The following ZXDC variants were observed in gnomAD, a reference collection of about 807,000 sequenced individuals.
The protein encoded by ZXDC is ZXD family zinc finger C.
In ZXDC, 58 loss-of-function variants were observed where a neutral mutation model predicts 63.6. That is an observed-to-expected ratio of 0.91 (90% CI 0.74 to 1.13). The LOEUF is 1.13. Among genes scored for constraint, ZXDC ranks in the 50% most tolerant of loss-of-function variants. The pLI is 0.00. For synonymous variants in ZXDC, 561 were observed against 496.1 expected, an observed-to-expected ratio of 1.13 and a Z score of -1.74; for missense variants, 1,133 against 1,148.9, an observed-to-expected ratio of 0.99 and a Z score of 0.20.
chr3:126,461,216 C>A, intron 6 of ZXDC: 4 of 1,084,602 alleles, frequency 3.7e-6, no homozygotes, highest in Non-Finnish European at 4.5e-6. Context: ...AGCATAGAGG[C>A]AAAGTATCTC....
chr3:126,448,820 C>G (rs1373275835), intron 7 of ZXDC, among the ~76,000 whole-genome samples: 1 of 152,244 alleles, frequency 6.6e-6, no homozygotes, highest in Non-Finnish European at 1.5e-5. Flanking sequence ...CCTCGCTCCA[C>G]ACACCCTCTA....
At chr3:126,459,924 C>G in intron 6 of ZXDC, 187 bp from the exon 7 acceptor site, 1 of 985,468 alleles carries the variant, frequency 1.0e-6, no homozygotes, top group Non-Finnish European at 1.2e-6. Flanking sequence ...AAACTTGGAG[C>G]TGGAACAATG....
At chr3:126,457,547 T>C (rs1934355854) in intron 7 of ZXDC, 2 of 985,402 alleles carry the variant, frequency 2.0e-6, no homozygotes, top group East Asian at 1.1e-4. Context: ...CAGGTTTCCA[T>C]TTCCCTTAGA....
intron 7 of ZXDC, among the ~76,000 whole-genome samples, chr3:126,457,967 C>T (rs1934373253): frequency 6.6e-6 from 1 of 152,152 alleles, no homozygotes; most frequent in Non-Finnish European, 1.5e-5. Context: ...CTGGCACACT[C>T]GAAAGAACAA....
In ZXDC at chr3:126,441,830, G is replaced by A; in HGVS notation, c.2329C>T (p.Pro777Ser). The stretch of plus-strand genomic sequence containing the variant: ...ACCCCAGCTGCTGGAGCTGGTCCTG[G>A]CCGTCCTCCGCTGGGCACCACGAGG... Reference protein sequence around the residue: ...GSLVVPSGGRPGPAPAAGVQC... With the variant: ...GSLVVPSGGRSGPAPAAGVQC... The change falls in exon 8 of 10, where the codon CCA becomes TCA. Residue 777 changes from proline to serine, a missense_variant. Physicochemically the swap from Pro to Ser is moderately conservative, Grantham distance 74. Transcript: ENST00000389709. The A allele has an allele frequency of 6.2e-7, 1 of 1,613,694 alleles. No individual in the cohort carries two copies. Among genetic ancestry groups the A allele is most frequent in the Non-Finnish European group, 8.5e-7 (1 of 1,179,886 alleles).
chr3:126,445,024 T>C (rs1026902606), intron 7 of ZXDC, among the ~76,000 whole-genome samples: 3 of 152,252 alleles, frequency 2.0e-5, no homozygotes, highest in African/African-American at 7.2e-5. Context: ...TTTCAACTTC[T>C]GTATCAGCAT....
At chr3:126,466,442 G>A in intron 4 of ZXDC, 117 bp from the exon 5 acceptor site, 8 of 1,110,970 alleles carry the variant, frequency 7.2e-6, no homozygotes, top group Non-Finnish European at 1.1e-5. Context: ...CTGGCTACTG[G>A]CAAGGACAGA....
intron 7 of ZXDC, among the ~76,000 whole-genome samples, chr3:126,456,925 G>C (rs534926902): frequency 4.6e-5 from 7 of 152,336 alleles, no homozygotes; most frequent in Admixed American, 1.3e-4. Context: ...GGCCCAGGGA[G>C]GATGTGTGGG....
chr3:126,472,109 G>C, intron 2 of ZXDC, 44 bp downstream of exon 2: 1 of 1,608,888 alleles, frequency 6.2e-7, no homozygotes, highest in East Asian at 2.2e-5. Context: ...CTACGATGAA[G>C]ACAAATCTTG....
rs1415005398 is a variant in ZXDC, at chr3:126,441,776, G to A, written c.2383C>T (p.Gln795Ter). 6.3e-7 allele frequency: 1 copy of A among 1,598,542 alleles called. No individual in the cohort carries two copies. The highest frequency in any genetic ancestry group is 8.5e-7 in the Non-Finnish European group (1 of 1,174,500). Residue 795 changes from glutamine to a stop codon, truncating the protein, a stop_gained, in exon 8 of 10, where the codon CAG (glutamine) becomes TAG (stop). Coordinates refer to ENST00000389709, the MANE Select transcript of ZXDC (RefSeq NM_025112.5). LOFTEE classifies it high-confidence loss of function. ...TGGCCAGCTCTCACCTGCACCAGCTGGACCTGGACGCCCTGCGCCCCGCAC... is the reference window on the plus strand; with the variant it reads ...TGGCCAGCTCTCACCTGCACCAGCTAGACCTGGACGCCCTGCGCCCCGCAC... Reference protein sequence around the residue: ...VQCGAQGVQVQLVQDDPSGEG... With the variant: ...VQCGAQGVQV
At chr3:126,451,733 A>T (rs1934109382) in intron 7 of ZXDC, 1 of 985,116 alleles carries the variant, frequency 1.0e-6, no homozygotes, top group Admixed American at 6.2e-5. Flanking sequence ...CTTCTGCACC[A>T]TGATCTCACG....
intron 7 of ZXDC, chr3:126,452,870 T>G: frequency 3.2e-6 from 1 of 309,098 alleles, no homozygotes; most frequent in African/African-American, 2.3e-5. Flanking sequence ...TCCCCAGTAA[T>G]TGGGACCACA....
At chr3:126,455,893 G>A (rs529178207) in intron 7 of ZXDC, among the ~76,000 whole-genome samples, 6 of 152,034 alleles carry the variant, frequency 3.9e-5, no homozygotes, top group Admixed American at 2.6e-4. Flanking sequence ...CCAGCTACTC[G>A]GGAGGCTGAG....
Position 126,464,251 on chromosome 3 carries a change from C to G in ZXDC, c.1441+1904G>C, listed in dbSNP as rs1429165605. Among the ~76,000 whole-genome samples, 3 of 152,200 alleles carry G rather than the reference C, an allele frequency of 2.0e-5. No individual in the cohort carries two copies. The South Asian group carries it at 6.2e-4, about 31-fold the overall frequency. ...CAATCACTAAATAAACATTAGATAG[C>G]AGAGCATCTGGCAAAACAGTCATGA... On this transcript the variant is annotated intron_variant, in intron 5 of 9. Coordinates refer to ENST00000389709, the MANE Select transcript of ZXDC (RefSeq NM_025112.5).
intron 6 of ZXDC, chr3:126,460,512 G>T: frequency 1.0e-6 from 1 of 961,540 alleles, no homozygotes; most frequent in Non-Finnish European, 1.2e-6. Context: ...AGCTGCAGCT[G>T]CACCAGGGAG....
chr3:126,475,000 C>T lies in ZXDC; in HGVS notation c.866G>A (p.Ser289Asn). The T allele has an allele frequency of 6.3e-7, 1 of 1,595,364 alleles. No individual in the cohort carries two copies. The highest frequency in any genetic ancestry group is 8.5e-7 in the Non-Finnish European group (1 of 1,171,692). ...GTAAGGGCGCTCGGGCTCGAAGTGG[C>T]TGCGCTGGTGGGAGCTGAGCTTGGC... ...THAKLSSHQR[S>N]HFEPERPYKC... is the part of the protein sequence containing the mutation. Residue 289 changes from serine to asparagine, a missense_variant, in exon 1 of 10, where the codon AGC (serine) becomes AAC (asparagine). Coordinates refer to ENST00000389709, the MANE Select transcript of ZXDC (RefSeq NM_025112.5).
intron 4 of ZXDC, among the ~76,000 whole-genome samples, chr3:126,469,119 C>T (rs1029558154): frequency 3.3e-5 from 5 of 152,100 alleles, no homozygotes; most frequent in South Asian, 2.1e-4. Flanking sequence ...AGTGTTTGTC[C>T]GAGGCCCCAG....
intron 7 of ZXDC, chr3:126,459,403 C>T (rs372014243): frequency 1.0e-6 from 1 of 985,344 alleles, no homozygotes; most frequent in African/African-American, 1.7e-5. Context: ...GTAACTGACA[C>T]TGGTGTTTGA....
At chr3:126,452,436 C>T in intron 7 of ZXDC, 11 of 985,416 alleles carry the variant, frequency 1.1e-5, no homozygotes, top group Non-Finnish European at 1.3e-5. Context: ...GCACTCCTCC[C>T]CACTGCTGTT....
Sources: allele counts gnomAD v4.1 joint callset (sites outside exome capture counted in the v4.1 genomes callset), GRCh38; gene constraint gnomAD v4.1.1; transcripts MANE v1.5; gene names NCBI Gene and HGNC (gene_info 2026-07-23, HGNC 2026-07-21).